The following CDH13 variants were observed in gnomAD, a reference collection of about 807,000 sequenced individuals.
The protein encoded by CDH13 is cadherin 13, also known as cadherin-13.
CDH13 carries 24 observed loss-of-function variants against 63.8 expected under a neutral mutation model. That is an observed-to-expected ratio of 0.38 (90% CI 0.27 to 0.53). The LOEUF is 0.53. Ranked by LOEUF, CDH13 falls within the 20% of genes least tolerant of loss-of-function variation. CDH13 has a pLI of 0.85. For missense variants in CDH13, 1,049 were observed against 903.1 expected (o/e 1.16, Z -2.07); for synonymous variants, 503 against 355.3 (o/e 1.42, Z -4.67).
At chr16:83,662,238 GATGGCTTCAGAC>G (rs1913504888) in intron 8 of CDH13, among the ~76,000 whole-genome samples, 4 of 152,132 alleles carry the variant, frequency 2.6e-5, no homozygotes, top group Admixed American at 6.5e-5. Context: ...AGTAATGGTG[GATGGCTTCAGAC>G]ATTTAACTGG....
At chr16:83,487,890 C>G (rs60790623) in intron 7 of CDH13, among the ~76,000 whole-genome samples, 2 of 152,214 alleles carry the variant, frequency 1.3e-5, no homozygotes, top group Non-Finnish European at 2.9e-5. Context: ...ATTACATCAA[C>G]CCCTTCTAAG....
In CDH13 at chr16:83,032,102, C is replaced by G; in HGVS notation, c.250C>G (p.Leu84Val). Residue 84 changes from leucine to valine, a missense_variant, in exon 3 of 14, where the codon CTG becomes GTG. By Grantham distance (32) the Leu-to-Val change is conservative (BLOSUM62 1). Coordinates refer to ENST00000567109, the MANE Select transcript of CDH13 (RefSeq NM_001257.5). Reference sequence around the variant, plus strand: ...GAACAGCGATGGCGGCTTAGTTGCTCTGAGAAACATAACTGCAGTGGGCAA... The same window carrying G: ...GAACAGCGATGGCGGCTTAGTTGCTGTGAGAAACATAACTGCAGTGGGCAA... ...KVNSDGGLVA[L>V]RNITAVGKTL... 5 of 1,613,264 alleles carry G rather than the reference C, an allele frequency of 3.1e-6. No homozygotes were observed. The highest frequency in any genetic ancestry group is 4.2e-6 in the Non-Finnish European group (5 of 1,179,656).
chr16:83,015,673 G>GTGTA (rs1220935113), intron 2 of CDH13, among the ~76,000 whole-genome samples: 1 of 39,994 alleles, frequency 2.5e-5, no homozygotes, highest in Non-Finnish European at 5.1e-5. Context: ...GTGTGTGTGT[G>GTGTA]TATGTATATA....
chr16:83,058,711 C>G (rs1478642951), intron 3 of CDH13, among the ~76,000 whole-genome samples: 2 of 152,152 alleles, frequency 1.3e-5, no homozygotes, highest in Admixed American at 1.3e-4. Flanking sequence ...ACAGAAGAGT[C>G]TTATGTAGTG....
chr16:83,524,877 C>G (rs185248028), intron 7 of CDH13, among the ~76,000 whole-genome samples: 1 of 152,270 alleles, frequency 6.6e-6, no homozygotes, highest in African/African-American at 2.4e-5. Context: ...CCACAGGGAT[C>G]AGAGAAGAAA....
At chr16:83,599,030 C>G (rs752824229) in intron 7 of CDH13, among the ~76,000 whole-genome samples, 4 of 152,190 alleles carry the variant, frequency 2.6e-5, no homozygotes, top group Non-Finnish European at 4.4e-5. Context: ...ATGACCATCC[C>G]TAGATCAGGA....
At chr16:82,665,104 G>C (rs960417103) in intron 1 of CDH13, among the ~76,000 whole-genome samples, 1 of 152,136 alleles carries the variant, frequency 6.6e-6, no homozygotes, top group Non-Finnish European at 1.5e-5. Flanking sequence ...TTCAAACTAG[G>C]TGAGACTGCC....
At position 83,008,943 on chromosome 16, in the gene CDH13, G is replaced by A. The variant is rs1224246183; in HGVS notation, c.158-23067G>A. ...GAAGCAAACACGTCCATCTTCACTTGGTGGCAGGAGGAAGAATGAGAGCTG... is the reference window on the plus strand; with the variant it reads ...GAAGCAAACACGTCCATCTTCACTTAGTGGCAGGAGGAAGAATGAGAGCTG... On this transcript the variant is annotated intron_variant, in intron 2 of 13. Transcript: ENST00000567109. Among the ~76,000 whole-genome samples, 4 of 152,170 alleles carry A rather than the reference G, an allele frequency of 2.6e-5. No individual in the cohort carries two copies. In the East Asian group the frequency reaches 7.7e-4, roughly 29 times the overall value.
chr16:82,744,767 C>T lies in CDH13; in HGVS notation c.46-113595C>T, dbSNP rs147027288. On this transcript the variant is annotated intron_variant, in intron 1 of 13. Coordinates refer to ENST00000567109, the MANE Select transcript of CDH13 (RefSeq NM_001257.5). ...TAAGCTCCACCACCTATTTCGAGGGCTGGATGAATTTATGTTTCTTGTGCT... is the reference window on the plus strand; with the variant it reads ...TAAGCTCCACCACCTATTTCGAGGGTTGGATGAATTTATGTTTCTTGTGCT... Among the ~76,000 whole-genome samples, 376 of 152,250 alleles carry T rather than the reference C, an allele frequency of 2.5e-3. 2 individuals carry two copies. The highest frequency in any genetic ancestry group is 7.7e-3 in the African/African-American group (321 of 41,562).
chr16:83,446,399 C>CT (rs1474367707), intron 6 of CDH13, among the ~76,000 whole-genome samples: 1 of 152,028 alleles, frequency 6.6e-6, no homozygotes, highest in Non-Finnish European at 1.5e-5. Flanking sequence ...TCAGCTGAGC[C>CT]TTTTTAAAAA....
At chr16:82,996,336 G>T (rs189628566) in intron 2 of CDH13, among the ~76,000 whole-genome samples, 1 of 152,192 alleles carries the variant, frequency 6.6e-6, no homozygotes, top group Admixed American at 6.5e-5. Context: ...TCCTGAACTG[G>T]AACAACACTG....
intron 12 of CDH13, among the ~76,000 whole-genome samples, chr16:83,781,290 C>T (rs148258399): frequency 6.6e-6 from 1 of 152,224 alleles, no homozygotes; most frequent in East Asian, 1.9e-4. Context: ...AAACTAACTA[C>T]CAAGTTCACC....
intron 2 of CDH13, among the ~76,000 whole-genome samples, chr16:82,928,590 A>T (rs944089598): frequency 2.6e-5 from 4 of 152,140 alleles, no homozygotes; most frequent in Non-Finnish European, 5.9e-5. Flanking sequence ...TTCTCTTAAG[A>T]CCTTATCTGG....
intron 10 of CDH13, among the ~76,000 whole-genome samples, chr16:83,728,398 G>A (rs1910676800): frequency 6.7e-6 from 1 of 149,772 alleles, no homozygotes; most frequent in South Asian, 2.1e-4. Flanking sequence ...CCTATGAAAC[G>A]AGGAGAAAAG....
chr16:83,396,500 T>G (rs1323083249), intron 6 of CDH13: 3 of 152,202 alleles, frequency 2.0e-5, no homozygotes, highest in Admixed American at 6.5e-5. Context: ...TTTAAAACCC[T>G]TCTCCTCTTT....
At chr16:83,465,912 C>G (rs541268738) in intron 6 of CDH13, among the ~76,000 whole-genome samples, 2 of 152,338 alleles carry the variant, frequency 1.3e-5, no homozygotes, top group South Asian at 4.1e-4. Context: ...CTTTACCCTG[C>G]TGGAATCACA....
chr16:83,214,265 G>A (rs1397149006), intron 4 of CDH13, among the ~76,000 whole-genome samples: 1 of 151,944 alleles, frequency 6.6e-6, no homozygotes, highest in Non-Finnish European at 1.5e-5. Context: ...CTTCTGGGAG[G>A]CCTGTGAATT....
chr16:83,477,963 C>T (rs150929511), intron 6 of CDH13, among the ~76,000 whole-genome samples: 3,398 of 152,098 alleles, frequency 0.022, 135 homozygotes, highest in African/African-American at 0.077. Context: ...GGGTGGATCA[C>T]GAGGTCAGGA....
chr16:83,182,277 G>C (rs1180543684), intron 4 of CDH13, among the ~76,000 whole-genome samples: 1 of 152,172 alleles, frequency 6.6e-6, no homozygotes, highest in East Asian at 1.9e-4. Context: ...GACAAAGAAA[G>C]CTTCCTCTGA....
Sources: gnomAD v4.1 joint callset for allele counts (sites outside exome capture counted in the v4.1 genomes callset) on GRCh38, gnomAD v4.1.1 for gene constraint, MANE v1.5 for transcripts, NCBI Gene and HGNC (gene_info 2026-07-23, HGNC 2026-07-21) for gene names.